LY6S: variants seen among roughly 807,000 people sequenced by gnomAD.
LY6S encodes the protein lymphocyte antigen 6 family member S.
the LY6S span, chr8:143,049,313 A>C: frequency 3.7e-6 from 2 of 534,290 alleles, no homozygotes; most frequent in South Asian, 2.8e-5. Context: ...GCTAAAACGG[A>C]AAAGACATCT....
chr8:143,070,399 A>T, the LY6S span, among the ~76,000 whole-genome samples: 195 of 126,094 alleles, frequency 1.5e-3, 1 homozygote, highest in Non-Finnish European at 2.3e-3. Context: ...ATTTATATAT[A>T]TTTTTTATTT....
At chr8:143,073,976 C>G in the LY6S span, among the ~76,000 whole-genome samples, 2 of 142,026 alleles carry the variant, frequency 1.4e-5, no homozygotes, top group African/African-American at 5.3e-5. Context: ...GCCGTCGTCC[C>G]CGGGGTCCCT....
At chr8:143,044,809 G>A in the LY6S span, 1 of 1,366,400 alleles carries the variant, frequency 7.3e-7, no homozygotes. Flanking sequence ...AGCTGGGAGA[G>A]AGGGCAAGGT....
At chr8:143,063,960 A>T in the LY6S span, among the ~76,000 whole-genome samples, 1 of 152,246 alleles carries the variant, frequency 6.6e-6, no homozygotes, top group African/African-American at 2.4e-5. Context: ...CACAGCATCC[A>T]GTAAGCCACT....
chr8:143,043,298 G>T, the LY6S span: 1 of 1,283,870 alleles, frequency 7.8e-7, no homozygotes, highest in South Asian at 1.2e-5. Flanking sequence ...CGTCCTTCTG[G>T]CAGGAGAGGA....
At chr8:143,074,497 T>G in the LY6S span, among the ~76,000 whole-genome samples, 1 of 152,174 alleles carries the variant, frequency 6.6e-6, no homozygotes, top group African/African-American at 2.4e-5. Flanking sequence ...AGGTATTATA[T>G]TAATTGGTTA....
chr8:143,071,396 G>A, the LY6S span, among the ~76,000 whole-genome samples: 2 of 152,154 alleles, frequency 1.3e-5, no homozygotes, highest in Non-Finnish European at 1.5e-5. Flanking sequence ...AATGGTGGAC[G>A]CATGATGTTA....
the LY6S span, chr8:143,044,555 C>A: frequency 1.9e-6 from 1 of 528,236 alleles, no homozygotes; most frequent in African/African-American, 2.0e-5. Context: ...CCCCCCACCT[C>A]AGGAGCCACA....
the LY6S span, among the ~76,000 whole-genome samples, chr8:143,071,894 AG>A: frequency 6.6e-6 from 1 of 152,160 alleles, no homozygotes; most frequent in African/African-American, 2.4e-5. Context: ...GTGGTTCTTC[AG>A]AAGAGGGTGT....
At chr8:143,056,262 G>A in the LY6S span, among the ~76,000 whole-genome samples, 4 of 148,312 alleles carry the variant, frequency 2.7e-5, no homozygotes, top group Non-Finnish European at 4.5e-5. Context: ...GAGTCACATC[G>A]GGAAACATAT....
chr8:143,050,013 C>T, the LY6S span, among the ~76,000 whole-genome samples: 1 of 152,152 alleles, frequency 6.6e-6, no homozygotes, highest in South Asian at 2.1e-4. Flanking sequence ...GGGAGAAACA[C>T]CTCGTCCAGT....
chr8:143,043,075 A>C, the LY6S span: 1 of 1,367,712 alleles, frequency 7.3e-7, no homozygotes. Flanking sequence ...CTGGTGACGC[A>C]CAGGGACAGA....
At chr8:143,042,918 A>G in the LY6S span, 5 of 1,067,850 alleles carry the variant, frequency 4.7e-6, no homozygotes, top group Non-Finnish European at 6.6e-6. Flanking sequence ...GCCTGGGCCC[A>G]GAGGACAAGG....
the LY6S span, among the ~76,000 whole-genome samples, chr8:143,065,260 G>T: frequency 7.9e-5 from 12 of 152,146 alleles, no homozygotes; most frequent in Non-Finnish European, 1.6e-4. Context: ...CTGAGGTGGG[G>T]CAGGAGACAC....
the LY6S span, among the ~76,000 whole-genome samples, chr8:143,067,959 G>A: frequency 2.6e-5 from 4 of 152,262 alleles, no homozygotes; most frequent in East Asian, 3.9e-4. Context: ...GGGACAAGCC[G>A]GAGACAGAAA....
At chr8:143,049,173 C>A in the LY6S span, 1 of 534,636 alleles carries the variant, frequency 1.9e-6, no homozygotes, top group African/African-American at 1.9e-5. Flanking sequence ...ACACCTGTGA[C>A]CTCCTGGACT....
the LY6S span, among the ~76,000 whole-genome samples, chr8:143,048,150 A>T: frequency 1.3e-5 from 2 of 152,200 alleles, no homozygotes; most frequent in Admixed American, 1.3e-4. Flanking sequence ...TGGCAGTGCC[A>T]GGCTGCCTGG....
chr8:143,072,714 G>A, the LY6S span, among the ~76,000 whole-genome samples: 8 of 92,612 alleles, frequency 8.6e-5, no homozygotes, highest in Non-Finnish European at 1.2e-4. Context: ...GACAGTCGTC[G>A]TCCTCGGGAT....
the LY6S span, among the ~76,000 whole-genome samples, chr8:143,055,392 C>G: frequency 6.6e-6 from 1 of 152,134 alleles, no homozygotes; most frequent in Admixed American, 6.6e-5. Flanking sequence ...TGCCTGATAA[C>G]CTAGTGAGAA....
Sources: gnomAD v4.1 joint callset for allele counts (sites outside exome capture counted in the v4.1 genomes callset) on GRCh38, gnomAD v4.1.1 for gene constraint, MANE v1.5 for transcripts, NCBI Gene and HGNC (gene_info 2026-07-23, HGNC 2026-07-21) for gene names.